DPP10: variants seen among roughly 807,000 people sequenced by gnomAD.
The protein encoded by DPP10 is inactive dipeptidyl peptidase 10.
A neutral mutation model predicts 120.9 loss-of-function variants in DPP10; 33 were observed. The ratio of observed to expected loss-of-function variants is 0.27; its 90% CI spans 0.21 to 0.37. The LOEUF (loss-of-function observed/expected upper bound fraction) is 0.37. Ranked by LOEUF, DPP10 falls within the 10% of genes least tolerant of loss-of-function variation. DPP10 has a pLI of 1.00. For synonymous variants in DPP10, 337 were observed against 326.1 expected, an observed-to-expected ratio of 1.03 and a Z score of -0.36; for missense variants, 816 against 942.8, an observed-to-expected ratio of 0.87 and a Z score of 1.76.
chr2:115,217,777 T>A (rs1441672720), intron 1 of DPP10, among the ~76,000 whole-genome samples: 8 of 152,172 alleles, frequency 5.3e-5, no homozygotes, highest in Admixed American at 6.5e-5. Flanking sequence ...CACTGCTGAT[T>A]CACATCTTTT....
intron 5 of DPP10, among the ~76,000 whole-genome samples, chr2:115,582,592 C>G (rs1021955908): frequency 1.3e-5 from 2 of 152,200 alleles, no homozygotes; most frequent in African/African-American, 4.8e-5. Flanking sequence ...GATACCTACT[C>G]TAACAGAGGT....
At chr2:115,379,803 A>C (rs373875491) in intron 3 of DPP10, among the ~76,000 whole-genome samples, 3 of 151,994 alleles carry the variant, frequency 2.0e-5, no homozygotes, top group Non-Finnish European at 2.9e-5. Context: ...CCTTCATTTC[A>C]TTATGTACCC....
intron 1 of DPP10, among the ~76,000 whole-genome samples, chr2:114,652,884 T>TA (rs1304512263): frequency 6.6e-6 from 1 of 151,848 alleles, no homozygotes; most frequent in Non-Finnish European, 1.5e-5. Flanking sequence ...ACAACTCACT[T>TA]AAAAGGAACA....
chr2:115,056,569 G>A (rs542344282), intron 1 of DPP10, among the ~76,000 whole-genome samples: 17 of 152,132 alleles, frequency 1.1e-4, no homozygotes, highest in African/African-American at 4.1e-4. Flanking sequence ...GTGTTGTCCA[G>A]GTCTGTCTTG....
At chr2:114,922,315 T>C (rs1444479526) in intron 1 of DPP10, among the ~76,000 whole-genome samples, 1 of 152,176 alleles carries the variant, frequency 6.6e-6, no homozygotes, top group Non-Finnish European at 1.5e-5. Context: ...AGACATCTTA[T>C]TTTATTTACT....
intron 1 of DPP10, among the ~76,000 whole-genome samples, chr2:114,592,285 T>C (rs11123248): frequency 6.6e-6 from 1 of 152,176 alleles, no homozygotes; most frequent in Non-Finnish European, 1.5e-5. Context: ...TCACTGCCTA[T>C]ACCCCAGACA....
chr2:115,024,164 T>G (rs918869834), intron 1 of DPP10, among the ~76,000 whole-genome samples: 2 of 152,108 alleles, frequency 1.3e-5, no homozygotes, highest in Non-Finnish European at 2.9e-5. Context: ...TAAAAAAATT[T>G]TTTTTAGAAC....
chr2:115,686,315 G>A (rs189812247), intron 5 of DPP10, among the ~76,000 whole-genome samples: 12 of 152,096 alleles, frequency 7.9e-5, no homozygotes, highest in African/African-American at 1.4e-4. Flanking sequence ...TCATTCAAGC[G>A]TGAGTTATAG....
chr2:115,128,379 C>A (rs908150658), intron 1 of DPP10, among the ~76,000 whole-genome samples: 1 of 152,130 alleles, frequency 6.6e-6, no homozygotes, highest in African/African-American at 2.4e-5. Flanking sequence ...TTCCCTTAGA[C>A]GCCGGAAGTG....
intron 1 of DPP10, among the ~76,000 whole-genome samples, chr2:115,272,984 T>G (rs1168459407): frequency 2.0e-5 from 3 of 152,242 alleles, no homozygotes; most frequent in Non-Finnish European, 4.4e-5. Context: ...ATTGCTTAGG[T>G]TTATTTGACA....
chr2:115,413,711 C>T (rs1411857152), intron 3 of DPP10, among the ~76,000 whole-genome samples: 1 of 152,148 alleles, frequency 6.6e-6, no homozygotes, highest in African/African-American at 2.4e-5. Flanking sequence ...TACAGTTTTC[C>T]AGACCTCACA....
intron 1 of DPP10, among the ~76,000 whole-genome samples, chr2:114,813,496 T>C (rs2106330106): frequency 6.6e-6 from 1 of 152,318 alleles, no homozygotes; most frequent in Non-Finnish European, 1.5e-5. Flanking sequence ...CTTTAGTTCC[T>C]TCTCAACAAT....
At chr2:114,918,600 GA>G (rs1235933266) in intron 1 of DPP10, among the ~76,000 whole-genome samples, 2 of 152,128 alleles carry the variant, frequency 1.3e-5, no homozygotes, top group Non-Finnish European at 1.5e-5. Flanking sequence ...ATACACCATG[GA>G]ATACTACAGA....
intron 1 of DPP10, among the ~76,000 whole-genome samples, chr2:114,944,051 A>G (rs1697173027): frequency 6.6e-6 from 1 of 152,102 alleles, no homozygotes; most frequent in Non-Finnish European, 1.5e-5. Flanking sequence ...TTCTATGTTA[A>G]ATATCTTAGG....
chr2:114,966,000 AAAAG>A (rs1437607913), intron 1 of DPP10, among the ~76,000 whole-genome samples: 3 of 151,790 alleles, frequency 2.0e-5, no homozygotes, highest in South Asian at 2.1e-4. Flanking sequence ...AAAAAAAAGA[AAAAG>A]AAAGATAAAG....
At chr2:115,159,721 T>A (rs1458351644) in intron 1 of DPP10, among the ~76,000 whole-genome samples, 1 of 152,024 alleles carries the variant, frequency 6.6e-6, no homozygotes, top group Non-Finnish European at 1.5e-5. Flanking sequence ...AATAAAAAAA[T>A]TCACGCACAC....
intron 1 of DPP10, among the ~76,000 whole-genome samples, chr2:115,184,140 G>A (rs2105168579): frequency 6.6e-6 from 1 of 152,334 alleles, no homozygotes; most frequent in East Asian, 1.9e-4. Flanking sequence ...AAAACCCAAT[G>A]AGACCAATAA....
At chr2:115,407,870 G>GA (rs1387520777) in intron 3 of DPP10, among the ~76,000 whole-genome samples, 2 of 149,232 alleles carry the variant, frequency 1.3e-5, no homozygotes, top group African/African-American at 4.9e-5. Context: ...GGAGGAAAAA[G>GA]GAAAAAAAAA....
intron 1 of DPP10, among the ~76,000 whole-genome samples, chr2:114,844,296 C>G (rs1466305601): frequency 6.6e-6 from 1 of 152,026 alleles, no homozygotes; most frequent in African/African-American, 2.4e-5. Flanking sequence ...ATAGTTTCCT[C>G]AAATGCTAAA....
Sources: gnomAD v4.1 joint callset for allele counts (sites outside exome capture counted in the v4.1 genomes callset) on GRCh38, gnomAD v4.1.1 for gene constraint, MANE v1.5 for transcripts, NCBI Gene and HGNC (gene_info 2026-07-23, HGNC 2026-07-21) for gene names.